Variants in RIN3 observed in about 807,000 individuals in gnomAD.
The protein encoded by RIN3 is Ras and Rab interactor 3.
Under a neutral mutation model 76.3 loss-of-function variants are expected in RIN3, and 54 were observed. The ratio of observed to expected loss-of-function variants is 0.71; its 90% CI spans 0.57 to 0.89. RIN3 has a LOEUF of 0.89. Ranked by LOEUF, RIN3 falls within the 40% of genes least tolerant of loss-of-function variation. The pLI is 0.00. For missense variants in RIN3, 1,256 were observed against 1,322.1 expected (o/e 0.95, Z 0.78); for synonymous variants, 576 against 564.0 (o/e 1.02, Z -0.30).
intron 3 of RIN3, among the ~76,000 whole-genome samples, chr14:92,596,440 T>C (rs1302110724): frequency 6.6e-6 from 1 of 152,086 alleles, no homozygotes; most frequent in African/African-American, 2.4e-5. Context: ...TAAACCTGGG[T>C]CTGTAGATGC....
At chr14:92,675,685 G>T (rs1888435194) in intron 7 of RIN3, among the ~76,000 whole-genome samples, 1 of 152,258 alleles carries the variant, frequency 6.6e-6, no homozygotes, top group Non-Finnish European at 1.5e-5. Flanking sequence ...CCTGCAGGAA[G>T]ATTCTATTCT....
intron 4 of RIN3, among the ~76,000 whole-genome samples, chr14:92,621,210 T>C (rs1886166171): frequency 1.8e-5 from 2 of 108,186 alleles, no homozygotes; most frequent in South Asian, 6.4e-4. Flanking sequence ...CACTCCAGCC[T>C]GGGTGACAGA....
chr14:92,631,289 G>A (rs1257177839), intron 4 of RIN3, among the ~76,000 whole-genome samples: 3 of 152,160 alleles, frequency 2.0e-5, no homozygotes, highest in East Asian at 3.9e-4. Flanking sequence ...AGCCCCCAGA[G>A]GGCCAAGCTG....
At chr14:92,539,892 G>T (rs943663) in intron 1 of RIN3, among the ~76,000 whole-genome samples, 107,458 of 151,926 alleles carry the variant, frequency 0.71, 38,492 homozygotes, top group Middle Eastern at 0.8. Context: ...GTGGCTGAGC[G>T]GGGGCCTGGG....
chr14:92,600,178 T>C (rs1885293721), intron 3 of RIN3, among the ~76,000 whole-genome samples: 1 of 152,224 alleles, frequency 6.6e-6, no homozygotes, highest in African/African-American at 2.4e-5. Flanking sequence ...GTCAGCTTTC[T>C]TAGCAATGGG....
chr14:92,547,950 C>G (rs370052967), intron 1 of RIN3, among the ~76,000 whole-genome samples: 3 of 152,036 alleles, frequency 2.0e-5, no homozygotes, highest in African/African-American at 7.2e-5. Flanking sequence ...GTGATCTGCC[C>G]GCCTTGGCCT....
chr14:92,589,392 G>T (rs1041432147), intron 3 of RIN3, among the ~76,000 whole-genome samples: 1 of 151,982 alleles, frequency 6.6e-6, no homozygotes, highest in Non-Finnish European at 1.5e-5. Context: ...GCTTTATGTC[G>T]CATACAACAT....
intron 1 of RIN3, among the ~76,000 whole-genome samples, chr14:92,543,269 G>A (rs1595400814): frequency 6.6e-6 from 1 of 152,074 alleles, no homozygotes; most frequent in East Asian, 1.9e-4. Context: ...GGGGTGGGGG[G>A]AGTAGTCCTC....
chr14:92,612,311 T>C (rs1749145210), intron 3 of RIN3, among the ~76,000 whole-genome samples: 1 of 152,138 alleles, frequency 6.6e-6, no homozygotes, highest in Non-Finnish European at 1.5e-5. Context: ...CAGGGGGCAG[T>C]CTAGAAGCTA....
intron 2 of RIN3, among the ~76,000 whole-genome samples, chr14:92,560,153 C>A (rs1897719900): frequency 6.6e-6 from 1 of 152,158 alleles, no homozygotes; most frequent in African/African-American, 2.4e-5. Flanking sequence ...GCTGGACACT[C>A]CTTCAGCCCC....
In RIN3 at chr14:92,632,258, G is replaced by A. The variant is rs72699844; in HGVS notation, c.441-8980G>A. On this transcript the variant is annotated intron_variant, in intron 4 of 9. Coordinates refer to ENST00000216487, the MANE Select transcript of RIN3 (RefSeq NM_024832.5). ...GCTAGGGGACGGGTGTGTAGAGCTG[G>A]TAAAGCCATCAGGGTGGGTGGGGTG... is the stretch of plus-strand genomic sequence containing the variant. Among the ~76,000 whole-genome samples, 216 of 152,234 alleles carry A rather than the reference G, an allele frequency of 1.4e-3. 2 individuals are homozygous for A. The highest frequency in any genetic ancestry group is 4.4e-3 in the Admixed American group (67 of 15,296).
At chr14:92,576,712 T>C (rs1327208772) in intron 2 of RIN3, among the ~76,000 whole-genome samples, 1 of 152,186 alleles carries the variant, frequency 6.6e-6, no homozygotes, top group African/African-American at 2.4e-5. Context: ...CTCAGTTCCT[T>C]CATCTGTAAG....
intron 5 of RIN3, chr14:92,644,479 CT>C (rs1308386818): frequency 2.0e-5 from 3 of 151,870 alleles, no homozygotes; most frequent in Non-Finnish European, 4.4e-5. Context: ...AAGACCTTCT[CT>C]CCTGGGAGAG....
intron 8 of RIN3, among the ~76,000 whole-genome samples, chr14:92,684,354 T>C (rs1888769142): frequency 7.7e-6 from 1 of 129,644 alleles, no homozygotes; most frequent in Non-Finnish European, 1.5e-5. Flanking sequence ...CACTCCAGCC[T>C]GGGCAACACA....
chr14:92,528,484 C>T (rs144885201), intron 1 of RIN3, among the ~76,000 whole-genome samples: 95 of 152,294 alleles, frequency 6.2e-4, no homozygotes, highest in African/African-American at 2.1e-3. Flanking sequence ...GAGTCAAGAA[C>T]GTAGTAGGCG....
intron 3 of RIN3, among the ~76,000 whole-genome samples, chr14:92,588,337 C>T (rs370514862): frequency 2.0e-4 from 29 of 145,814 alleles, no homozygotes; most frequent in African/African-American, 3.5e-4. Flanking sequence ...AAGCAATTCT[C>T]CTGTCTCAGT....
At chr14:92,525,433 G>A (rs1896704363) in intron 1 of RIN3, among the ~76,000 whole-genome samples, 1 of 152,176 alleles carries the variant, frequency 6.6e-6, no homozygotes, top group African/African-American at 2.4e-5. Context: ...CTGAGCGAGA[G>A]ATTGAGGGGA....
rs1402086706 is a variant in RIN3 at position 92,613,962 on chromosome 14, G to T, written c.368-1445G>T. Among the ~76,000 whole-genome samples, 3 of 152,310 alleles carry T rather than the reference G, an allele frequency of 2.0e-5. No individual in the cohort carries two copies. In the East Asian group the frequency reaches 5.8e-4, roughly 29 times the overall value. The stretch of plus-strand genomic sequence containing the variant: ...GAGTTGTGGGGCAGGTGCCTGTGGG[G>T]CACTGATGAACAGTGGGACCTCCAA... On this transcript the variant is annotated intron_variant, in intron 3 of 9. Coordinates refer to ENST00000216487, the MANE Select transcript of RIN3 (RefSeq NM_024832.5).
At chr14:92,607,900 A>G (rs762965664) in intron 3 of RIN3, among the ~76,000 whole-genome samples, 2 of 152,222 alleles carry the variant, frequency 1.3e-5, no homozygotes, top group African/African-American at 2.4e-5. Context: ...AGGAAGTTAC[A>G]CTGAAAAAAG....
Sources: allele counts gnomAD v4.1 joint callset (sites outside exome capture counted in the v4.1 genomes callset), GRCh38; gene constraint gnomAD v4.1.1; transcripts MANE v1.5; gene names NCBI Gene and HGNC (gene_info 2026-07-23, HGNC 2026-07-21).